FBXL13: variants seen among roughly 807,000 people sequenced by gnomAD.
The protein encoded by FBXL13 is F-box and leucine rich repeat protein 13.
In FBXL13, 67 loss-of-function variants were observed where a neutral mutation model predicts 83.6. The observed-to-expected ratio is 0.80, with a 90% CI of 0.66 to 0.98. FBXL13 has a LOEUF of 0.98. Among genes scored for constraint, FBXL13 ranks in the 50% least tolerant of loss-of-function variants. The probability of loss-of-function intolerance (pLI) is 0.00; values close to 1 mark genes in which losing one functional copy is unlikely to be tolerated. For missense variants in FBXL13, 822 were observed against 866.5 expected, an observed-to-expected ratio of 0.95 and a Z score of 0.64; for synonymous variants, 272 against 299.5, an observed-to-expected ratio of 0.91 and a Z score of 0.95.
intron 18 of FBXL13, among the ~76,000 whole-genome samples, chr7:102,826,771 A>ATATATATG (rs1799794631): frequency 1.0e-5 from 1 of 95,434 alleles, no homozygotes; most frequent in Non-Finnish European, 2.1e-5. Context: ...ATATATATAT[A>ATATATATG]TGTATATATA....
chr7:102,913,069 A>T lies in FBXL13; in HGVS notation c.1008+17T>A. The T allele has an allele frequency of 6.2e-7, 1 of 1,614,074 alleles. No homozygotes were observed. The stretch of plus-strand genomic sequence containing the variant: ...CTTCCTCACACACCGCAGCAAAGAG[A>T]AGACTGAAAGACAAACCTGGGTGCA... On this transcript the variant is annotated intron_variant, in intron 11 of 19. Transcript: ENST00000313221.
At chr7:102,864,407 C>T (rs1471037186) in intron 16 of FBXL13, among the ~76,000 whole-genome samples, 1 of 151,700 alleles carries the variant, frequency 6.6e-6, no homozygotes, top group African/African-American at 2.4e-5. Flanking sequence ...TTCCTCTTGT[C>T]GCCCAGGCTG....
chr7:102,876,426 T>C (rs1242862391), intron 16 of FBXL13, among the ~76,000 whole-genome samples: 1 of 152,068 alleles, frequency 6.6e-6, no homozygotes, highest in African/African-American at 2.4e-5. Flanking sequence ...ATGGACGATA[T>C]GGAAGGGAAG....
At chr7:102,834,131 AAAG>A (rs1422150222) in intron 17 of FBXL13, among the ~76,000 whole-genome samples, 2,082 of 100,946 alleles carry the variant, frequency 0.021, 34 homozygotes, top group Middle Eastern at 0.056. Context: ...AGAAAGAAAG[AAAG>A]AAAGAAAAGA....
At chr7:102,942,154 T>C (rs1585057769) in intron 8 of FBXL13, 3 of 576,568 alleles carry the variant, frequency 5.2e-6, no homozygotes, top group South Asian at 5.1e-5. Flanking sequence ...CCTACATTAA[T>C]AAATATTTAC....
At chr7:103,057,628 C>A (rs1463234043) in intron 1 of FBXL13, among the ~76,000 whole-genome samples, 1 of 152,168 alleles carries the variant, frequency 6.6e-6, no homozygotes, top group East Asian at 1.9e-4. Context: ...AGGTGGGAAA[C>A]AATGGACTTG....
intron 8 of FBXL13, chr7:102,933,980 C>T: frequency 6.2e-7 from 1 of 1,614,080 alleles, no homozygotes; most frequent in Non-Finnish European, 8.5e-7. Context: ...CAAAGCAAGC[C>T]CAGGCAGTGT....
intron 6 of FBXL13, among the ~76,000 whole-genome samples, chr7:103,007,856 G>A (rs1050832357): frequency 1.3e-5 from 2 of 152,166 alleles, no homozygotes; most frequent in African/African-American, 4.8e-5. Flanking sequence ...ATCAGAACAA[G>A]TGTGGAAAGG....
chr7:102,953,170 T>A (rs1823691361), intron 8 of FBXL13, among the ~76,000 whole-genome samples: 1 of 152,080 alleles, frequency 6.6e-6, no homozygotes, highest in Admixed American at 6.6e-5. Flanking sequence ...GCCAATATTA[T>A]CCTGACAAGG....
intron 11 of FBXL13, among the ~76,000 whole-genome samples, chr7:102,898,899 T>A (rs539794715): frequency 9.2e-5 from 14 of 152,170 alleles, no homozygotes; most frequent in African/African-American, 3.1e-4. Context: ...TATTTTTATT[T>A]ATTTAATTTA....
chr7:102,897,740 T>G (rs1337590640), intron 11 of FBXL13, among the ~76,000 whole-genome samples: 1 of 152,210 alleles, frequency 6.6e-6, no homozygotes, highest in African/African-American at 2.4e-5. Context: ...TAACTTCTTT[T>G]AGTGAGAATA....
chr7:103,016,979 G>C (rs1031151194), intron 6 of FBXL13, among the ~76,000 whole-genome samples: 1 of 152,192 alleles, frequency 6.6e-6, no homozygotes, highest in Non-Finnish European at 1.5e-5. Flanking sequence ...AGAGAGTAGT[G>C]GTTCTCCCAG....
intron 1 of FBXL13, among the ~76,000 whole-genome samples, chr7:103,057,454 T>C (rs1409476892): frequency 6.6e-6 from 1 of 152,122 alleles, no homozygotes; most frequent in Non-Finnish European, 1.5e-5. Flanking sequence ...TTTTGTTTTG[T>C]TTTTGTTTTG....
intron 16 of FBXL13, among the ~76,000 whole-genome samples, chr7:102,873,712 GA>G (rs1808844634): frequency 6.6e-6 from 1 of 152,312 alleles, no homozygotes; most frequent in Admixed American, 6.5e-5. Flanking sequence ...TCAGTGACCT[GA>G]CCCCTGTCTA....
chr7:103,050,515 A>T (rs1796699626), intron 2 of FBXL13, among the ~76,000 whole-genome samples: 1 of 152,230 alleles, frequency 6.6e-6, no homozygotes, highest in African/African-American at 2.4e-5. Context: ...TTGCCTTCAG[A>T]TGGCCCCTGT....
intron 1 of FBXL13, among the ~76,000 whole-genome samples, chr7:103,071,658 G>A (rs903883414): frequency 1.3e-5 from 2 of 150,828 alleles, no homozygotes; most frequent in African/African-American, 4.9e-5. Context: ...GGCTCTCACA[G>A]TGCTGGGATT....
At chr7:103,042,716 G>C (rs7783985) in intron 2 of FBXL13, among the ~76,000 whole-genome samples, 12 of 152,190 alleles carry the variant, frequency 7.9e-5, no homozygotes, top group Non-Finnish European at 1.5e-4. Context: ...ACAAGCAATG[G>C]GGAAAGAGTT....
chr7:103,057,064 T>C (rs1797409361), intron 1 of FBXL13, among the ~76,000 whole-genome samples: 1 of 152,194 alleles, frequency 6.6e-6, no homozygotes, highest in Non-Finnish European at 1.5e-5. Context: ...TAGTCCTTTG[T>C]TGGATGTATA....
At chr7:102,942,430 A>G in intron 8 of FBXL13, 11 of 1,225,586 alleles carry the variant, frequency 9.0e-6, no homozygotes, top group Non-Finnish European at 1.2e-5. Context: ...TGTGGAAAAG[A>G]GAAAGAAGAT....
Sources: allele counts gnomAD v4.1 joint callset (sites outside exome capture counted in the v4.1 genomes callset), GRCh38; gene constraint gnomAD v4.1.1; transcripts MANE v1.5; gene names NCBI Gene and HGNC (gene_info 2026-07-23, HGNC 2026-07-21).